The following MUC6 variants were observed in gnomAD, a reference collection of about 807,000 sequenced individuals.
MUC6 encodes mucin 6, oligomeric mucus/gel-forming (gene/pseudogene), also known as mucin-6.
Under a neutral mutation model 201.5 loss-of-function variants are expected in MUC6, and 188 were observed. The observed-to-expected ratio is 0.93, with a 90% CI of 0.83 to 1.05. MUC6 has a LOEUF of 1.05. Among genes scored for constraint, MUC6 ranks in the 50% least tolerant of loss-of-function variants. The pLI, the probability that MUC6 is intolerant of heterozygous loss-of-function variation, is 0.00. For synonymous variants in MUC6, 1,228 were observed against 1,389.4 expected (o/e 0.88, Z 2.58); for missense variants, 2,706 against 3,256.9 (o/e 0.83, Z 4.12).
Position 1,026,776 on chromosome 11 carries a change from C to T in MUC6, c.2394+165G>A, listed in dbSNP as rs536186975. On this transcript the variant is annotated intron_variant, in intron 19 of 32. Coordinates refer to ENST00000421673, the MANE Select transcript of MUC6 (RefSeq NM_005961.3). ...TTAGGGAGCCCTGCAGACGAGCCCCCGGGGCCTCCAGCTGCCTGGCCACAG... is the reference window on the plus strand; with the variant it reads ...TTAGGGAGCCCTGCAGACGAGCCCCTGGGGCCTCCAGCTGCCTGGCCACAG... 5.9e-5 allele frequency among the ~76,000 whole-genome samples: 9 copies of T among 152,380 alleles called. No homozygotes were observed. In the East Asian group the frequency reaches 9.7e-4, roughly 16 times the overall value.
Position 1,026,153 on chromosome 11 carries a change from G to A in MUC6, c.2547-12C>T. On this transcript the variant is annotated splice_polypyrimidine_tract_variant and intron_variant, in intron 20 of 32. Coordinates refer to ENST00000421673, the MANE Select transcript of MUC6 (RefSeq NM_005961.3). ...CCCTTGAGCAGGAGCTGTGGAGACA[G>A]CAGGTGTGGGTGGTGGGCCTGCGGC... 1 of 1,587,916 alleles carries A rather than the reference G, an allele frequency of 6.3e-7. No homozygotes were observed. Among genetic ancestry groups the A allele is most frequent in the Non-Finnish European group, 8.6e-7 (1 of 1,168,416 alleles).
chr11:1,025,392 C>A (rs1224358100), intron 22 of MUC6, 25 bp from the exon 23 acceptor site: 20 of 1,596,194 alleles, frequency 1.3e-5, no homozygotes, highest in Non-Finnish European at 1.7e-5. Context: ...TGGCATAGGA[C>A]TGCCTGTCTG....
At position 1,013,540 on chromosome 11, in the gene MUC6, A is replaced by T; in HGVS notation, c.7236T>A (p.Asp2412Glu). ...YEQQLELPCP[D>E]PSTPGRRLVL... ...CGAGCCGCCGGCCAGGCGTGCTGGGATCGGGGCAGGGCAGCTCCAGCTGCT... is the reference window on the plus strand; with the variant it reads ...CGAGCCGCCGGCCAGGCGTGCTGGGTTCGGGGCAGGGCAGCTCCAGCTGCT... The change falls in exon 33 of 33, where the codon GAT (aspartate) becomes GAA (glutamate). Residue 2412 changes from aspartate to glutamate, a missense_variant. Physicochemically the swap from Asp to Glu is conservative, Grantham distance 45 (BLOSUM62 2). Coordinates refer to ENST00000421673, the MANE Select transcript of MUC6 (RefSeq NM_005961.3). 6.3e-7 allele frequency: 1 copy of T among 1,580,280 alleles called. No individual in the cohort carries two copies. Among genetic ancestry groups the T allele is most frequent in the Non-Finnish European group, 8.6e-7 (1 of 1,164,628 alleles).
intron 1 of MUC6, among the ~76,000 whole-genome samples, chr11:1,034,919 G>T (rs532372986): frequency 6.6e-6 from 1 of 152,322 alleles, no homozygotes; most frequent in Non-Finnish European, 1.5e-5. Flanking sequence ...CAGCTCTGAA[G>T]TCCAGCGGGA....
intron 28 of MUC6, 55 bp from the exon 29 acceptor site, chr11:1,020,312 G>A (rs1223143823): frequency 1.3e-5 from 20 of 1,545,384 alleles, no homozygotes; most frequent in East Asian, 2.3e-5. Flanking sequence ...TCCTTGGGGA[G>A]CACCCTCCCC....
chr11:1,024,747 C>T (rs990269788), intron 24 of MUC6, 97 bp downstream of exon 24: 37 of 1,489,832 alleles, frequency 2.5e-5, no homozygotes, highest in East Asian at 1.7e-4. Flanking sequence ...TGGGATCCCA[C>T]GGAGGGAGAA....
intron 13 of MUC6, 32 bp downstream of exon 13, chr11:1,028,614 C>T (rs748934366): frequency 1.9e-6 from 3 of 1,598,592 alleles, no homozygotes; most frequent in South Asian, 2.3e-5. Flanking sequence ...AGGGATGAGG[C>T]AACAGGGCCA....
chr11:1,026,545 C>T lies in MUC6; in HGVS notation c.2395-67G>A, dbSNP rs918356771. On this transcript the variant is annotated intron_variant, in intron 19 of 32. Coordinates refer to ENST00000421673, the MANE Select transcript of MUC6 (RefSeq NM_005961.3). ...AGCCAGCTGCTGCCCAGCCCTGGGC[C>T]CCTCTGAGACTGCCCGGCGTGTCTC... The T allele has an allele frequency of 6.3e-6, 9 of 1,438,038 alleles. No homozygotes were observed. In the Admixed American group the frequency reaches 8.0e-5, roughly 13 times the overall value. 89.1% of individuals were successfully genotyped at this position (1,438,038 alleles called of 1,614,324 possible). A position where few individuals can be genotyped will look rare whatever the true frequency, so the allele number is the denominator to read the frequency against.
Position 1,016,097 on chromosome 11 carries a change from G to A in MUC6, c.6704C>T (p.Pro2235Leu), listed in dbSNP as rs1856601389. The change falls in exon 31 of 33, where the codon CCC (proline) becomes CTC (leucine). Residue 2235 changes from proline (P) to leucine (L), a missense_variant. This residue lies in a region of MUC6 where 586 missense variants were observed against 488.0 expected (regional missense o/e 1.20). Coordinates refer to ENST00000421673, the MANE Select transcript of MUC6 (RefSeq NM_005961.3). ...GGAGGCTAGGTGGCTGGATGGGGTG[G>A]GAGACACGGTAACAGTGGATATGGG... ...LLPISTVTVS[P>L]TPSSHLASST... 1 of 1,613,184 alleles carries A rather than the reference G, an allele frequency of 6.2e-7. No individual in the cohort carries two copies. The highest frequency in any genetic ancestry group is 1.1e-5 in the South Asian group (1 of 91,038).
intron 1 of MUC6, among the ~76,000 whole-genome samples, chr11:1,034,865 C>T (rs1019333750): frequency 4.6e-5 from 7 of 152,208 alleles, no homozygotes; most frequent in Non-Finnish European, 8.8e-5. Context: ...CTGCCCCACC[C>T]GCAGGAGGTT....
chr11:1,021,531 C>T (rs780413116), intron 26 of MUC6, among the ~76,000 whole-genome samples: 19 of 152,174 alleles, frequency 1.2e-4, no homozygotes, highest in African/African-American at 2.6e-4. Context: ...CCATGACGCC[C>T]GGCTAATTTT....
chr11:1,018,403 G>T lies in MUC6; in HGVS notation c.4398C>A (p.Thr1466=). 1 of 1,614,072 alleles carries T rather than the reference G, an allele frequency of 6.2e-7. No individual in the cohort carries two copies. Among genetic ancestry groups the T allele is most frequent in the Non-Finnish European group, 8.5e-7 (1 of 1,179,872 alleles). The part of the protein sequence containing the change: ...TPSTHTVITP[T]HAQMATSASN... Reference sequence around the variant, plus strand: ...AGGCAGATGTGGCCATCTGTGCGTGGGTAGGGGTGATGACTGTGTGAGTAC... The same window carrying T: ...AGGCAGATGTGGCCATCTGTGCGTGTGTAGGGGTGATGACTGTGTGAGTAC... Residue 1466 remains threonine, a synonymous_variant, in exon 31 of 33, where the codon ACC becomes ACA. Coordinates refer to ENST00000421673, the MANE Select transcript of MUC6 (RefSeq NM_005961.3).
chr11:1,029,206 C>T (rs775992429), intron 10 of MUC6, 22 bp downstream of exon 10: 131 of 1,605,788 alleles, frequency 8.2e-5, no homozygotes, highest in Non-Finnish European at 9.2e-5. Flanking sequence ...CCCCTCCCCA[C>T]GGGCCACAGG....
rs1252667124 is a variant in MUC6, at chr11:1,013,324, C to T, written c.*132G>A. 1.0e-6 allele frequency: 1 copy of T among 998,430 alleles called. No individual in the cohort carries two copies. The highest frequency in any genetic ancestry group is 1.6e-5 in the African/African-American group (1 of 60,968). The allele number at this position is 998,430 out of a possible 1,614,324, so 61.8% of individuals were successfully genotyped here. ...CAACCGGTGCCCCAGGGAGCCACGG[C>T]CCAGGGCACTTGGGGGCCAGGCCTG... On this transcript the variant is annotated 3_prime_UTR_variant, in exon 33 of 33. Transcript: ENST00000421673.
chr11:1,031,417 C>T (rs113273948), intron 4 of MUC6, among the ~76,000 whole-genome samples, 158 bp from the exon 5 acceptor site: 24 of 152,136 alleles, frequency 1.6e-4, no homozygotes, highest in African/African-American at 4.8e-4. Flanking sequence ...GTGGAGAAGC[C>T]GAGTCACCCA....
chr11:1,035,336 C>T (rs1274470336), intron 1 of MUC6, among the ~76,000 whole-genome samples: 1 of 152,204 alleles, frequency 6.6e-6, no homozygotes, highest in Admixed American at 6.5e-5. Flanking sequence ...GCCCGAGGGA[C>T]TAGGGGTCGC....
chr11:1,018,294 T>G lies in MUC6; in HGVS notation c.4507A>C (p.Thr1503Pro). 6.2e-7 allele frequency: 1 copy of G among 1,614,002 alleles called. No individual in the cohort carries two copies. The highest frequency in any genetic ancestry group is 8.5e-7 in the Non-Finnish European group (1 of 1,179,864). ...TGGCTGGTCCCACTGGTGGTCGGCG[T>G]TATTGGTGGGGCTGTGTGGGTGGAC... ...TGSTHTAPPI[T>P]PTTSGTSQAH... The change falls in exon 31 of 33, where the codon ACG becomes CCG. Residue 1503 changes from threonine to proline, a missense_variant. Around this residue, in one of 10 missense-constraint regions of MUC6, gnomAD observed 128 missense variants for 206.5 expected, o/e 0.62. Coordinates refer to ENST00000421673, the MANE Select transcript of MUC6 (RefSeq NM_005961.3).
Position 1,033,151 on chromosome 11 carries a change from C to G in MUC6, c.53-76G>C. The G allele has an allele frequency of 7.1e-7, 1 of 1,417,144 alleles. No individual in the cohort carries two copies. 87.8% of individuals were successfully genotyped at this position (1,417,144 alleles called of 1,614,324 possible). A position where few individuals can be genotyped will look rare whatever the true frequency, so the allele number is the denominator to read the frequency against. ...GGGCGCCGCTCACCTCTGCTCAGGGCTGCTCCGCCCGTTTCCCTGCACACA... is the reference window on the plus strand; with the variant it reads ...GGGCGCCGCTCACCTCTGCTCAGGGGTGCTCCGCCCGTTTCCCTGCACACA... On this transcript the variant is annotated intron_variant, in intron 1 of 32. Transcript: ENST00000421673. This position sits in a 1 kb window ranked among gnomAD's most constrained non-coding sequence, Gnocchi z 5.6.
At position 1,013,942 on chromosome 11, in the gene MUC6, C is replaced by T. The variant is rs201359883; in HGVS notation, c.7099G>A (p.Val2367Met). ...GCGCCCTCACAGCGGGTTACCGTCA[C>T]GTTCGCCATGCACCCCTTGAACGTG... ...EITFKGCMAN[V>M]TVTRCEGACI... is the part of the protein sequence containing the mutation. Residue 2367 changes from valine (V) to methionine (M), a missense_variant, in exon 32 of 33, where the codon GTG becomes ATG. By Grantham distance (21) the Val-to-Met change is conservative. Coordinates refer to ENST00000421673, the MANE Select transcript of MUC6 (RefSeq NM_005961.3). 184 of 1,608,886 alleles carry T rather than the reference C, an allele frequency of 1.1e-4. No individual in the cohort carries two copies. The highest frequency in any genetic ancestry group is 1.5e-4 in the Non-Finnish European group (174 of 1,178,358).
Sources: gnomAD v4.1 joint callset for allele counts (sites outside exome capture counted in the v4.1 genomes callset) on GRCh38, gnomAD v4.1.1 for gene constraint, gnomAD v4.1.1 regional missense constraint, Gnocchi (gnomAD v3.1) non-coding constraint, MANE v1.5 for transcripts, NCBI Gene and HGNC (gene_info 2026-07-23, HGNC 2026-07-21) for gene names.